DOCK9: variants seen among roughly 807,000 people sequenced by gnomAD.
DOCK9 encodes the protein dedicator of cytokinesis 9.
A neutral mutation model predicts 263.3 loss-of-function variants in DOCK9; 89 were observed. That is an observed-to-expected ratio of 0.34 (90% CI 0.28 to 0.40). The LOEUF (loss-of-function observed/expected upper bound fraction) is 0.40. DOCK9 is among the 10% of genes least tolerant of loss of function. DOCK9 has a pLI of 1.00. For missense variants in DOCK9, 2,140 were observed against 2,603.4 expected (o/e 0.82, Z 3.87); for synonymous variants, 976 against 973.1 (o/e 1.00, Z -0.06).
chr13:98,869,718 T>C (rs1348412502), intron 27 of DOCK9, among the ~76,000 whole-genome samples: 1 of 152,270 alleles, frequency 6.6e-6, no homozygotes, highest in Non-Finnish European at 1.5e-5. Flanking sequence ...CAGGGACACA[T>C]GGCTGCCCAG....
At chr13:98,951,089 A>G (rs1052938283) in intron 2 of DOCK9, among the ~76,000 whole-genome samples, 1 of 152,236 alleles carries the variant, frequency 6.6e-6, no homozygotes, top group Non-Finnish European at 1.5e-5. Flanking sequence ...ACTGCTTGTT[A>G]AAGTTTACCT....
rs567962508 is a variant in DOCK9 at position 99,028,998 on chromosome 13, T to C, written c.129+57225A>G. Among the ~76,000 whole-genome samples, 5 of 152,326 alleles carry C rather than the reference T, an allele frequency of 3.3e-5. No homozygotes were observed. The East Asian group carries it at 7.7e-4, about 23-fold the overall frequency. ...TAACTCTGAAACCATATTTCTGTTT[T>C]ACCAGTTGGCTCTCTGTTAGGCTCT... On this transcript the variant is annotated intron_variant, in intron 1 of 32. Transcript: ENST00000427887.
At chr13:98,955,784 T>C (rs920962503) in intron 1 of DOCK9, among the ~76,000 whole-genome samples, 5 of 152,256 alleles carry the variant, frequency 3.3e-5, no homozygotes, top group African/African-American at 9.6e-5. Flanking sequence ...AAGGAAGCTC[T>C]GCATTCTGGT....
intron 28 of DOCK9, 27 bp downstream of exon 28, chr13:98,868,204 G>C (rs1183235364): frequency 1.9e-6 from 3 of 1,612,708 alleles, no homozygotes; most frequent in Non-Finnish European, 2.5e-6. Flanking sequence ...TCCCATAACT[G>C]ATATCCTCTT....
At chr13:98,952,927 C>T (rs1475087914) in intron 2 of DOCK9, among the ~76,000 whole-genome samples, 2 of 152,220 alleles carry the variant, frequency 1.3e-5, no homozygotes, top group Non-Finnish European at 2.9e-5. Flanking sequence ...CTTGGTATTA[C>T]TTTTCCATAT....
intron 1 of DOCK9, among the ~76,000 whole-genome samples, chr13:99,067,287 A>G (rs978275060): frequency 1.3e-5 from 2 of 152,210 alleles, no homozygotes; most frequent in African/African-American, 2.4e-5. Context: ...CCTACTCAAT[A>G]CTAAGGTATG....
At chr13:98,946,943 T>C (rs917564137) in intron 2 of DOCK9, among the ~76,000 whole-genome samples, 2 of 152,218 alleles carry the variant, frequency 1.3e-5, no homozygotes, top group Non-Finnish European at 2.9e-5. Context: ...CCCCTGCTTT[T>C]TCCTAAATGA....
At chr13:98,943,916 C>A (rs1290372680) in intron 2 of DOCK9, among the ~76,000 whole-genome samples, 3 of 152,170 alleles carry the variant, frequency 2.0e-5, no homozygotes, top group African/African-American at 7.2e-5. Context: ...CTACCCCTGA[C>A]GGAAGATATC....
chr13:98,934,975 G>T (rs552728878), intron 2 of DOCK9, among the ~76,000 whole-genome samples: 11 of 152,296 alleles, frequency 7.2e-5, no homozygotes, highest in African/African-American at 2.4e-4. Flanking sequence ...ACAGTCTGAT[G>T]AAAGAGGACG....
chr13:98,934,969 T>G (rs2054579360), intron 2 of DOCK9, among the ~76,000 whole-genome samples: 1 of 152,124 alleles, frequency 6.6e-6, no homozygotes, highest in Non-Finnish European at 1.5e-5. Context: ...AAGCTTACAG[T>G]CTGATGAAAG....
intron 13 of DOCK9, among the ~76,000 whole-genome samples, chr13:98,901,147 C>T (rs2048216620): frequency 6.6e-6 from 1 of 152,218 alleles, no homozygotes; most frequent in South Asian, 2.1e-4. Context: ...CCTTGGTGAG[C>T]CTCAGTGTCC....
At chr13:98,886,810 T>A (rs1482581929) in intron 18 of DOCK9, among the ~76,000 whole-genome samples, 186 bp from the exon 19 acceptor site, 1 of 152,168 alleles carries the variant, frequency 6.6e-6, no homozygotes, top group Non-Finnish European at 1.5e-5. Flanking sequence ...TTGAAGCCCA[T>A]CTGCCTGCTC....
chr13:99,083,539 A>G (rs2042211661), intron 1 of DOCK9, among the ~76,000 whole-genome samples: 1 of 152,228 alleles, frequency 6.6e-6, no homozygotes, highest in Non-Finnish European at 1.5e-5. Context: ...AAGAAGAGAC[A>G]TATGAAGCAG....
chr13:98,862,899 T>C, intron 32 of DOCK9, 120 bp downstream of exon 32: 2 of 813,708 alleles, frequency 2.5e-6, no homozygotes, highest in South Asian at 3.5e-5. Flanking sequence ...TTTGGACTTC[T>C]GGACTCCTGA....
intron 1 of DOCK9, among the ~76,000 whole-genome samples, chr13:98,969,772 G>T (rs2059553667): frequency 6.6e-6 from 1 of 152,222 alleles, no homozygotes; most frequent in South Asian, 2.1e-4. Flanking sequence ...TGCATGCCAG[G>T]CAAAGGCAGA....
At chr13:98,960,210 A>G (rs972866464) in intron 1 of DOCK9, among the ~76,000 whole-genome samples, 3 of 152,184 alleles carry the variant, frequency 2.0e-5, no homozygotes, top group African/African-American at 7.2e-5. Flanking sequence ...TCTATCTTCA[A>G]AAGAAAACCA....
At chr13:99,028,790 C>CT (rs540837823) in intron 1 of DOCK9, among the ~76,000 whole-genome samples, 29 of 152,256 alleles carry the variant, frequency 1.9e-4, no homozygotes, top group Non-Finnish European at 4.1e-4. Flanking sequence ...CTGGTGAGAA[C>CT]ATCTTCATTT....
At position 99,015,847 on chromosome 13, in the gene DOCK9, C is replaced by A. The variant is rs1048801014; in HGVS notation, c.130-60296G>T. 13 of 1,125,260 alleles carry A rather than the reference C, an allele frequency of 1.2e-5. No individual in the cohort carries two copies. The African/African-American group carries it at 2.1e-4, about 18-fold the overall frequency. The allele number at this position is 1,125,260 out of a possible 1,614,324, so 69.7% of individuals were successfully genotyped here. A position where few individuals can be genotyped will look rare whatever the true frequency, so the allele number is the denominator to read the frequency against. On this transcript the variant is annotated intron_variant, in intron 1 of 32. Transcript: ENST00000427887. The stretch of plus-strand genomic sequence containing the variant: ...GGTGGTGCAAACACAAGATGACACA[C>A]CTCGGATGCACCAAACCTTTAAAGT...
rs10683281 is a variant in DOCK9, at chr13:98,817,451, C to CTTTTTTTTTTTTTTT, written c.5130+6932_5130+6946dup. On this transcript the variant is annotated intron_variant, in intron 45 of 52. Transcript: ENST00000682017. ...TGTGAGAACAGACTAATACACCCAG[C>CTTTTTTTTTTTTTTT]TTTTTTTTTTTTTTTTTTTTTGGTA... Among the ~76,000 whole-genome samples the CTTTTTTTTTTTTTTT allele has an allele frequency of 3.1e-4, 30 of 97,614 alleles. 3 individuals carry two copies. The highest frequency in any genetic ancestry group is 7.9e-4 in the African/African-American group (16 of 20,256). 64.0% of individuals were successfully genotyped at this position (97,614 alleles called of 152,430 possible).
Sources: gnomAD v4.1 joint callset for allele counts (sites outside exome capture counted in the v4.1 genomes callset) on GRCh38, gnomAD v4.1.1 for gene constraint, MANE v1.5 for transcripts, NCBI Gene and HGNC (gene_info 2026-07-23, HGNC 2026-07-21) for gene names.